SMYD3: variants seen among roughly 807,000 people sequenced by gnomAD.
SMYD3 encodes the protein histone-lysine N-methyltransferase SMYD3.
Under a neutral mutation model 57.7 loss-of-function variants are expected in SMYD3, and 36 were observed. The observed-to-expected ratio is 0.62, with a 90% CI of 0.48 to 0.82. The LOEUF (loss-of-function observed/expected upper bound fraction) is 0.82, where lower values mean the gene tolerates loss of function less well. SMYD3 is among the 40% of genes least tolerant of loss of function. The pLI, the probability that SMYD3 is intolerant of heterozygous loss-of-function variation, is 0.00. For missense variants in SMYD3, 515 were observed against 538.8 expected, an observed-to-expected ratio of 0.96 and a Z score of 0.44; for synonymous variants, 211 against 195.0, an observed-to-expected ratio of 1.08 and a Z score of -0.68.
chr1:245,775,400 C>G (rs1055883634), intron 10 of SMYD3, among the ~76,000 whole-genome samples: 9 of 152,054 alleles, frequency 5.9e-5, no homozygotes, highest in Non-Finnish European at 1.3e-4. Flanking sequence ...TCCTGTTGAT[C>G]TGTGACCTTA....
chr1:246,228,763 T>A (rs769836847), intron 5 of SMYD3, among the ~76,000 whole-genome samples: 4 of 152,140 alleles, frequency 2.6e-5, no homozygotes, highest in Non-Finnish European at 5.9e-5. Flanking sequence ...CATCACTTTA[T>A]GAAAAAAATT....
chr1:246,057,274 C>T (rs185989557), intron 5 of SMYD3, among the ~76,000 whole-genome samples: 4 of 152,258 alleles, frequency 2.6e-5, no homozygotes, highest in Non-Finnish European at 5.9e-5. Flanking sequence ...CTACCTATAA[C>T]AGCTATGGTC....
At chr1:245,966,843 AAATACT>A (rs2058163773) in intron 5 of SMYD3, among the ~76,000 whole-genome samples, 1 of 152,084 alleles carries the variant, frequency 6.6e-6, no homozygotes, top group Admixed American at 6.6e-5. Context: ...GCAGTCTTTC[AAATACT>A]CCTTTTCTTT....
At chr1:246,134,620 CA>C (rs1558257989) in intron 5 of SMYD3, among the ~76,000 whole-genome samples, 1 of 151,892 alleles carries the variant, frequency 6.6e-6, no homozygotes, top group Non-Finnish European at 1.5e-5. Context: ...ATCTGTGAAT[CA>C]AAAGAAGTTA....
At chr1:246,478,092 C>T (rs186697976) in intron 1 of SMYD3, among the ~76,000 whole-genome samples, 17 of 143,370 alleles carry the variant, frequency 1.2e-4, no homozygotes, top group Admixed American at 4.8e-4. Context: ...CTACTGAGAA[C>T]ATATGTGGCT....
chr1:246,132,207 T>C (rs1416316313), intron 5 of SMYD3, among the ~76,000 whole-genome samples: 3 of 152,082 alleles, frequency 2.0e-5, no homozygotes, highest in East Asian at 3.8e-4. Flanking sequence ...AAAAAAGCTT[T>C]ACAAGAAACT....
chr1:246,256,103 G>A (rs571425176), intron 5 of SMYD3, among the ~76,000 whole-genome samples: 2 of 152,270 alleles, frequency 1.3e-5, no homozygotes, highest in Admixed American at 1.3e-4. Flanking sequence ...GCAAGCTGAG[G>A]AGCAAGGAGA....
intron 5 of SMYD3, among the ~76,000 whole-genome samples, chr1:246,200,688 C>A (rs564106841): frequency 2.5e-4 from 33 of 133,458 alleles, no homozygotes; most frequent in Admixed American, 6.6e-4. Context: ...AGAAGATGCA[C>A]GGGATGGGAA....
chr1:245,912,329 G>A (rs1256270921), intron 8 of SMYD3, among the ~76,000 whole-genome samples: 1 of 151,946 alleles, frequency 6.6e-6, no homozygotes, highest in Non-Finnish European at 1.5e-5. Flanking sequence ...TCTGCAATAA[G>A]AACTATAAAA....
At chr1:245,753,749 C>A (rs2045494325) in intron 11 of SMYD3, among the ~76,000 whole-genome samples, 1 of 152,240 alleles carries the variant, frequency 6.6e-6, no homozygotes, top group African/African-American at 2.4e-5. Context: ...AAAAAAGTTA[C>A]AATAAATTTC....
intron 1 of SMYD3, among the ~76,000 whole-genome samples, chr1:246,490,215 G>A (rs767643336): frequency 6.6e-6 from 1 of 152,046 alleles, no homozygotes; most frequent in Non-Finnish European, 1.5e-5. Flanking sequence ...TGACTACACA[G>A]AATTATAGAT....
intron 5 of SMYD3, among the ~76,000 whole-genome samples, chr1:246,079,144 A>G (rs552627728): frequency 1.3e-5 from 2 of 152,282 alleles, no homozygotes; most frequent in Admixed American, 6.5e-5. Context: ...TAGGTGTGCC[A>G]GAGTACACCA....
chr1:245,826,577 A>G (rs1351316096), intron 10 of SMYD3, among the ~76,000 whole-genome samples: 1 of 152,176 alleles, frequency 6.6e-6, no homozygotes, highest in Non-Finnish European at 1.5e-5. Flanking sequence ...AAGTTTCTTA[A>G]ATGACCCATT....
At chr1:246,366,930 CAA>C (rs1269333583) in intron 1 of SMYD3, among the ~76,000 whole-genome samples, 64 of 58,568 alleles carry the variant, frequency 1.1e-3, no homozygotes, top group Middle Eastern at 8.8e-3. Flanking sequence ...GACTCCATCT[CAA>C]AAAAAAAAAA....
chr1:245,764,015 A>G, intron 11 of SMYD3, 26 bp downstream of exon 11: 1 of 1,553,034 alleles, frequency 6.4e-7, no homozygotes, highest in Non-Finnish European at 8.9e-7. Context: ...GCCAGGCAGA[A>G]CTATGTGAGA....
At chr1:246,468,395 C>T (rs933728748) in intron 1 of SMYD3, among the ~76,000 whole-genome samples, 1 of 151,894 alleles carries the variant, frequency 6.6e-6, no homozygotes, top group Non-Finnish European at 1.5e-5. Flanking sequence ...AATCCCAGAA[C>T]TCTGGGAGGT....
At chr1:246,316,486 A>T (rs1357770100) in intron 5 of SMYD3, among the ~76,000 whole-genome samples, 3 of 146,490 alleles carry the variant, frequency 2.0e-5, no homozygotes, top group Non-Finnish European at 4.5e-5. Context: ...CAGCATTCTG[A>T]GTAGCTGGGA....
chr1:245,966,821 G>A (rs1005719268), intron 5 of SMYD3, among the ~76,000 whole-genome samples: 2 of 152,110 alleles, frequency 1.3e-5, no homozygotes, highest in South Asian at 4.2e-4. Flanking sequence ...GGAGTACAGG[G>A]GAGGATCTGA....
intron 1 of SMYD3, among the ~76,000 whole-genome samples, chr1:246,470,613 CTA>C (rs913264301): frequency 6.0e-5 from 9 of 149,352 alleles, no homozygotes; most frequent in South Asian, 4.2e-4. Flanking sequence ...TATACACACA[CTA>C]TATATATACA....
Sources: allele counts gnomAD v4.1 joint callset (sites outside exome capture counted in the v4.1 genomes callset), GRCh38; gene constraint gnomAD v4.1.1; transcripts MANE v1.5; gene names NCBI Gene and HGNC (gene_info 2026-07-23, HGNC 2026-07-21).